Variants in IFNGR1 observed in about 807,000 individuals in gnomAD.
The protein encoded by IFNGR1 is interferon gamma receptor 1, also known as AVP, type 2.
IFNGR1 carries 23 observed loss-of-function variants against 35.4 expected under a neutral mutation model. That is an observed-to-expected ratio of 0.65 (90% CI 0.47 to 0.92). The LOEUF is 0.92. IFNGR1 is among the 40% of genes least tolerant of loss of function. IFNGR1 has a pLI of 0.00. For synonymous variants in IFNGR1, 199 were observed against 209.5 expected, an observed-to-expected ratio of 0.95 and a Z score of 0.43; for missense variants, 533 against 583.4, an observed-to-expected ratio of 0.91 and a Z score of 0.89.
At position 137,197,985 on chromosome 6, in the gene IFNGR1, C is replaced by G. The variant is rs781205916; in HGVS notation, c.*46G>C. Reference sequence around the variant, plus strand: ...CTTTTCATGAAATTAAAGCAGAAAACTGTCCAGGAAAATCAGACTTCAAAG... The same window carrying G: ...CTTTTCATGAAATTAAAGCAGAAAAGTGTCCAGGAAAATCAGACTTCAAAG... On this transcript the variant is annotated 3_prime_UTR_variant, in exon 7 of 7. Coordinates refer to ENST00000367739, the MANE Select transcript of IFNGR1 (RefSeq NM_000416.3). The G allele has an allele frequency of 2.5e-6, 4 of 1,612,418 alleles. No homozygotes were observed. Among genetic ancestry groups the G allele is most frequent in the Middle Eastern group, 1.7e-4 (1 of 6,056 alleles).
In IFNGR1 at chr6:137,198,081, C is replaced by T. The variant is rs1166342418; in HGVS notation, c.1420G>A (p.Glu474Lys). The change falls in exon 7 of 7, where the codon GAG becomes AAG. Residue 474 changes from glutamate (E) to lysine (K), a missense_variant. Physicochemically the swap from Glu to Lys is moderately conservative, Grantham distance 56. Transcript: ENST00000367739. ...VDLLVDDSGK[E>K]SLIGYRPTED... ...GTTGGTCTATAACCAATCAAGGACT[C>T]TTTACCGCTATCATCCACAAGTAGA... The T allele has an allele frequency of 6.2e-7, 1 of 1,614,136 alleles. No individual in the cohort carries two copies. The highest frequency in any genetic ancestry group is 2.2e-5 in the East Asian group (1 of 44,878).
intron 1 of IFNGR1, among the ~76,000 whole-genome samples, chr6:137,211,249 C>T (rs1452385396): frequency 2.0e-5 from 3 of 151,778 alleles, no homozygotes; most frequent in African/African-American, 7.3e-5. Flanking sequence ...GGTTGAGAAA[C>T]CCTGCTTTAT....
intron 1 of IFNGR1, among the ~76,000 whole-genome samples, chr6:137,208,304 T>G (rs951865047): frequency 6.6e-6 from 1 of 152,206 alleles, no homozygotes; most frequent in African/African-American, 2.4e-5. Flanking sequence ...ACCCATTTTC[T>G]GGGGAGAAAT....
intron 1 of IFNGR1, chr6:137,209,791 C>T: frequency 5.0e-6 from 2 of 398,874 alleles, no homozygotes. Context: ...AACCTCTCAA[C>T]TCTACACATA....
At chr6:137,204,683 A>C (rs1306978057) in intron 3 of IFNGR1, among the ~76,000 whole-genome samples, 179 bp from the exon 4 acceptor site, 2 of 152,186 alleles carry the variant, frequency 1.3e-5, no homozygotes, top group African/African-American at 4.8e-5. Context: ...TCCTTAATAA[A>C]CAAATGTTTC....
rs1779117172 is a variant in IFNGR1, at chr6:137,197,647, G to A, written c.*384C>T. 1 of 159,180 alleles carries A rather than the reference G, an allele frequency of 6.3e-6. No homozygotes were observed. Among genetic ancestry groups the A allele is most frequent in the Non-Finnish European group, 1.4e-5 (1 of 72,238 alleles). The allele number at this position is 159,180 out of a possible 1,614,324, so 9.9% of individuals were successfully genotyped here. Reference sequence around the variant, plus strand: ...TCTTCTGAAATTACTTAAAATTACTGTATGCATAAACTTACAAAAACATAT... The same window carrying A: ...TCTTCTGAAATTACTTAAAATTACTATATGCATAAACTTACAAAAACATAT... On this transcript the variant is annotated 3_prime_UTR_variant, in exon 7 of 7. Coordinates refer to ENST00000367739, the MANE Select transcript of IFNGR1 (RefSeq NM_000416.3).
Position 137,204,324 on chromosome 6 carries a change from A to G in IFNGR1, c.546+8T>C. On this transcript the variant is annotated splice_region_variant and intron_variant, in intron 4 of 6. Transcript: ENST00000367739. ...GAATTTCCATTATGAAAAATGTGAA[A>G]CACATACCTCACTTCCGTTCATTCT... 1 of 1,611,982 alleles carries G rather than the reference A, an allele frequency of 6.2e-7. No individual in the cohort carries two copies. Among genetic ancestry groups the G allele is most frequent in the Non-Finnish European group, 8.5e-7 (1 of 1,178,074 alleles).
In IFNGR1 at chr6:137,215,942, G is replaced by C. The variant is rs377720673; in HGVS notation, c.85+3301C>G. ...GCCCAGGCTGGTCTTGAACTTCTGGGCTCCAGTGATCCTTCCGCCGATGTG... is the reference window on the plus strand; with the variant it reads ...GCCCAGGCTGGTCTTGAACTTCTGGCCTCCAGTGATCCTTCCGCCGATGTG... On this transcript the variant is annotated intron_variant, in intron 1 of 6. Transcript: ENST00000367739. 1.0e-3 allele frequency among the ~76,000 whole-genome samples: 159 copies of C among 152,210 alleles called. 4 individuals carry two copies. The South Asian group carries it at 0.018, about 17-fold the overall frequency.
intron 1 of IFNGR1, among the ~76,000 whole-genome samples, chr6:137,212,631 A>G (rs1779603526): frequency 1.3e-5 from 2 of 152,202 alleles, no homozygotes; most frequent in South Asian, 4.1e-4. Flanking sequence ...TTCCTGTGAG[A>G]AAAAGGCATA....
intron 1 of IFNGR1, 141 bp from the exon 2 acceptor site, chr6:137,207,218 A>C: frequency 9.1e-7 from 1 of 1,102,226 alleles, no homozygotes; most frequent in Non-Finnish European, 1.3e-6. Flanking sequence ...AAATTATTTA[A>C]ATGAAGAGTA....
At chr6:137,199,398 T>TA in intron 6 of IFNGR1, among the ~76,000 whole-genome samples, 1 of 125,182 alleles carries the variant, frequency 8.0e-6, no homozygotes, top group South Asian at 2.2e-4. Context: ...ACATAAAATA[T>TA]ATAATTTATA....
intron 6 of IFNGR1, among the ~76,000 whole-genome samples, chr6:137,199,236 T>C (rs1779178064): frequency 6.8e-6 from 1 of 146,194 alleles, no homozygotes; most frequent in African/African-American, 2.5e-5. Flanking sequence ...CCTCTGATCG[T>C]GTGAGTTAAT....
intron 6 of IFNGR1, among the ~76,000 whole-genome samples, chr6:137,199,528 A>ATATATAATATATTATATATT (rs1779209546): frequency 5.4e-5 from 2 of 36,898 alleles, no homozygotes; most frequent in African/African-American, 9.6e-5. Flanking sequence ...TATTATATAT[A>ATATATAATATATTATATATT]ATATATAATA....
In IFNGR1 at chr6:137,203,637, G is replaced by T; in HGVS notation, c.595C>A (p.Gln199Lys). 1 of 1,612,502 alleles carries T rather than the reference G, an allele frequency of 6.2e-7. No homozygotes were observed. The highest frequency in any genetic ancestry group is 1.1e-5 in the South Asian group (1 of 91,048). Residue 199 changes from glutamine (Q) to lysine (K), a missense_variant, in exon 5 of 7, where the codon CAG (glutamine) becomes AAG (lysine). Gln to Lys is a moderately conservative substitution (Grantham distance 53, BLOSUM62 1). Transcript: ENST00000367739. ...GATACTGGAATCGCTAACTGGCACTGAATCTCGTCACAATCATCTTCCTTC... is the reference window on the plus strand; with the variant it reads ...GATACTGGAATCGCTAACTGGCACTTAATCTCGTCACAATCATCTTCCTTC... ...TQKEDDCDEI[Q>K]CQLAIPVSSL...
rs146976934 is a variant in IFNGR1, at chr6:137,205,456, T to A, written c.373+680A>T. On this transcript the variant is annotated intron_variant, in intron 3 of 6. Coordinates refer to ENST00000367739, the MANE Select transcript of IFNGR1 (RefSeq NM_000416.3). Reference sequence around the variant, plus strand: ...GTGACAGCAAACATCAGGTACACTATGGGAGTGGGATGCTGGAAGACTGAA... The same window carrying A: ...GTGACAGCAAACATCAGGTACACTAAGGGAGTGGGATGCTGGAAGACTGAA... Among the ~76,000 whole-genome samples the A allele has an allele frequency of 2.1e-3, 327 of 152,286 alleles. 2 individuals are homozygous for A. The highest frequency in any genetic ancestry group is 6.9e-3 in the African/African-American group (288 of 41,562).
intron 6 of IFNGR1, among the ~76,000 whole-genome samples, chr6:137,199,698 G>A (rs983822619): frequency 4.9e-5 from 7 of 144,272 alleles, no homozygotes; most frequent in Admixed American, 7.4e-5. Flanking sequence ...CCACATGTAC[G>A]CACATTATGT....
intron 1 of IFNGR1, among the ~76,000 whole-genome samples, chr6:137,214,746 C>T (rs931969738): frequency 6.6e-6 from 1 of 152,184 alleles, no homozygotes; most frequent in African/African-American, 2.4e-5. Context: ...CATTTCTCAA[C>T]ACTAATTCTC....
At chr6:137,205,792 C>A (rs1170514638) in intron 3 of IFNGR1, among the ~76,000 whole-genome samples, 1 of 152,114 alleles carries the variant, frequency 6.6e-6, no homozygotes, top group Non-Finnish European at 1.5e-5. Flanking sequence ...TATCCCATAT[C>A]CAAAACGCTT....
At chr6:137,204,815 TAGACTCTATTA>T (rs1779392133) in intron 3 of IFNGR1, among the ~76,000 whole-genome samples, 1 of 152,252 alleles carries the variant, frequency 6.6e-6, no homozygotes, top group Non-Finnish European at 1.5e-5. Context: ...TCACATAATA[TAGACTCTATTA>T]AGTAATTTTT....
Sources: gnomAD v4.1 joint callset for allele counts (sites outside exome capture counted in the v4.1 genomes callset) on GRCh38, gnomAD v4.1.1 for gene constraint, MANE v1.5 for transcripts, NCBI Gene and HGNC (gene_info 2026-07-23, HGNC 2026-07-21) for gene names.